LRMDA: variants seen among roughly 807,000 people sequenced by gnomAD.
LRMDA encodes the protein leucine-rich melanocyte differentiation-associated protein.
A neutral mutation model predicts 29.8 loss-of-function variants in LRMDA; 18 were observed. The ratio of observed to expected loss-of-function variants is 0.60; its 90% CI spans 0.42 to 0.90. LRMDA has a LOEUF of 0.90. Ranked by LOEUF, LRMDA falls within the 40% of genes least tolerant of loss-of-function variation. The probability of loss-of-function intolerance (pLI) is 0.00; values close to 1 mark genes in which losing one functional copy is unlikely to be tolerated. For synonymous variants in LRMDA, 125 were observed against 109.4 expected (o/e 1.14, Z -0.89); for missense variants, 273 against 273.9 (o/e 1.00, Z 0.02).
chr10:76,461,323 A>G (rs1308415104), intron 6 of LRMDA, among the ~76,000 whole-genome samples: 1 of 152,092 alleles, frequency 6.6e-6, no homozygotes, highest in African/African-American at 2.4e-5. Context: ...GATGATGGAG[A>G]CAAGCCTCTG....
intron 2 of LRMDA, among the ~76,000 whole-genome samples, chr10:75,548,100 G>GA (rs1382441108): frequency 0.037 from 4,905 of 133,768 alleles, 193 homozygotes; most frequent in African/African-American, 0.1. Context: ...GCATTTAAAA[G>GA]AAAAAAAAAA....
intron 2 of LRMDA, among the ~76,000 whole-genome samples, chr10:75,852,557 A>C (rs562668831): frequency 9.2e-5 from 14 of 152,262 alleles, no homozygotes; most frequent in African/African-American, 3.4e-4. Context: ...AAAACAACAA[A>C]AAAATAGTAA....
chr10:75,831,701 C>G (rs1213489227), intron 2 of LRMDA, among the ~76,000 whole-genome samples: 1 of 152,208 alleles, frequency 6.6e-6, no homozygotes, highest in Non-Finnish European at 1.5e-5. Context: ...AGCTCCCCAC[C>G]CCTGCAGCAA....
chr10:75,725,638 G>T (rs1003415164), intron 2 of LRMDA, among the ~76,000 whole-genome samples: 5 of 152,196 alleles, frequency 3.3e-5, no homozygotes, highest in African/African-American at 1.2e-4. Context: ...TTCAGGGGAG[G>T]TAATGGCTTT....
intron 6 of LRMDA, among the ~76,000 whole-genome samples, chr10:76,515,678 G>C (rs937618098): frequency 1.3e-5 from 2 of 151,922 alleles, no homozygotes; most frequent in African/African-American, 4.8e-5. Context: ...GCAAATTTTT[G>C]TATTTTTTGT....
At chr10:76,241,454 C>G (rs1852276089) in intron 5 of LRMDA, among the ~76,000 whole-genome samples, 1 of 151,998 alleles carries the variant, frequency 6.6e-6, no homozygotes, top group Non-Finnish European at 1.5e-5. Flanking sequence ...TTTTATCATC[C>G]CTTTGTATTT....
intron 6 of LRMDA, among the ~76,000 whole-genome samples, chr10:76,399,529 G>T (rs1207633938): frequency 6.6e-6 from 1 of 152,186 alleles, no homozygotes; most frequent in East Asian, 1.9e-4. Flanking sequence ...TTTGTGTACA[G>T]ATGTCTCTCA....
At chr10:76,007,357 C>T (rs187533516) in intron 2 of LRMDA, among the ~76,000 whole-genome samples, 1 of 151,916 alleles carries the variant, frequency 6.6e-6, no homozygotes, top group African/African-American at 2.4e-5. Context: ...CCGCTGTTTT[C>T]AGTCCAGGCA....
At chr10:76,237,433 C>G (rs1161377622) in intron 5 of LRMDA, among the ~76,000 whole-genome samples, 1 of 151,912 alleles carries the variant, frequency 6.6e-6, no homozygotes, top group Non-Finnish European at 1.5e-5. Context: ...ATTTAGTGAC[C>G]CAAGGTTATC....
chr10:75,797,660 C>G (rs981497981), intron 2 of LRMDA, among the ~76,000 whole-genome samples: 2 of 152,118 alleles, frequency 1.3e-5, no homozygotes, highest in African/African-American at 4.8e-5. Flanking sequence ...TGTTGTGTGT[C>G]TGGCTTCTTT....
At chr10:76,512,864 T>C (rs969514165) in intron 6 of LRMDA, among the ~76,000 whole-genome samples, 4 of 152,176 alleles carry the variant, frequency 2.6e-5, no homozygotes, top group Non-Finnish European at 5.9e-5. Flanking sequence ...TGGTATTCCA[T>C]TTTTTTAAGC....
chr10:75,925,608 G>GATGGTGGCAATGGTGGTGGTA (rs1564608768), intron 2 of LRMDA, among the ~76,000 whole-genome samples: 1 of 149,002 alleles, frequency 6.7e-6, no homozygotes, highest in African/African-American at 2.5e-5. Flanking sequence ...GGAAGAAGGT[G>GATGGTGGCAATGGTGGTGGTA]ATGGTGGCAG....
At chr10:76,270,383 G>C (rs1034363108) in intron 5 of LRMDA, 5 of 152,280 alleles carry the variant, frequency 3.3e-5, no homozygotes, top group African/African-American at 1.2e-4. Flanking sequence ...TAGAGGAAAG[G>C]CAGCTGTAAA....
chr10:75,675,546 GA>G (rs1376580929), intron 2 of LRMDA, among the ~76,000 whole-genome samples: 2 of 152,162 alleles, frequency 1.3e-5, no homozygotes, highest in Non-Finnish European at 2.9e-5. Context: ...TTAATTTCCA[GA>G]GGCAGCATGG....
intron 2 of LRMDA, among the ~76,000 whole-genome samples, chr10:75,885,622 C>G (rs990808827): frequency 1.3e-5 from 2 of 152,190 alleles, no homozygotes; most frequent in Middle Eastern, 3.2e-3. Context: ...TAGAGGAGTT[C>G]TCTAGGCTGC....
chr10:75,876,646 C>G (rs1438160953), intron 2 of LRMDA, among the ~76,000 whole-genome samples: 1 of 152,120 alleles, frequency 6.6e-6, no homozygotes, highest in Admixed American at 6.5e-5. Context: ...TGATAATCTC[C>G]CAGGGGCTTC....
At chr10:76,301,263 GACA>G (rs1165359698) in intron 5 of LRMDA, among the ~76,000 whole-genome samples, 1 of 152,144 alleles carries the variant, frequency 6.6e-6, no homozygotes, top group Non-Finnish European at 1.5e-5. Context: ...AGCAATTACA[GACA>G]ACAAGGAAAT....
chr10:75,577,422 C>T (rs914162777), intron 2 of LRMDA, among the ~76,000 whole-genome samples: 9 of 152,102 alleles, frequency 5.9e-5, no homozygotes, highest in African/African-American at 1.9e-4. Flanking sequence ...GATTGGTATA[C>T]CTGAAAGTAA....
intron 2 of LRMDA, among the ~76,000 whole-genome samples, chr10:75,853,170 G>A (rs1393797109): frequency 6.6e-6 from 1 of 152,050 alleles, no homozygotes; most frequent in Non-Finnish European, 1.5e-5. Context: ...ATTTGGATGG[G>A]GACACAGCCA....
Sources: allele counts gnomAD v4.1 joint callset (sites outside exome capture counted in the v4.1 genomes callset), GRCh38; gene constraint gnomAD v4.1.1; transcripts MANE v1.5; gene names NCBI Gene and HGNC (gene_info 2026-07-23, HGNC 2026-07-21).